Variants in WWOX observed in about 807,000 individuals in gnomAD.
WWOX encodes WW domain-containing oxidoreductase.
In WWOX, 69 loss-of-function variants were observed where a neutral mutation model predicts 46.2. The ratio of observed to expected loss-of-function variants is 1.49; its 90% CI spans 1.23 to 1.82. WWOX has a LOEUF of 1.82. Ranked by LOEUF, WWOX falls within the 40% of genes most tolerant of loss-of-function variation. The pLI, the probability that WWOX is intolerant of heterozygous loss-of-function variation, is 0.00. For synonymous variants in WWOX, 359 were observed against 202.6 expected (o/e 1.77, Z -6.56); for missense variants, 919 against 542.6 (o/e 1.69, Z -6.89).
intron 8 of WWOX, among the ~76,000 whole-genome samples, chr16:78,646,865 G>A (rs541256383): frequency 8.5e-5 from 13 of 152,180 alleles, no homozygotes; most frequent in East Asian, 5.8e-4. Flanking sequence ...GCTGTGTCAC[G>A]CTGTGTTAGG....
At chr16:78,243,231 A>G (rs2037714762) in intron 5 of WWOX, among the ~76,000 whole-genome samples, 1 of 152,170 alleles carries the variant, frequency 6.6e-6, no homozygotes, top group South Asian at 2.1e-4. Context: ...TTAAATCACA[A>G]GAGGTAATAG....
intron 8 of WWOX, among the ~76,000 whole-genome samples, chr16:78,987,969 G>A (rs2046813488): frequency 6.6e-6 from 1 of 152,002 alleles, no homozygotes; most frequent in Non-Finnish European, 1.5e-5. Context: ...AACCCAAATT[G>A]AGTAATTTCA....
chr16:78,826,637 G>C (rs997502466), intron 8 of WWOX, among the ~76,000 whole-genome samples: 1 of 152,142 alleles, frequency 6.6e-6, no homozygotes, highest in Non-Finnish European at 1.5e-5. Context: ...CTTCCTGGCT[G>C]ATCTCATGTC....
At chr16:78,305,775 A>C (rs1040046293) in intron 5 of WWOX, among the ~76,000 whole-genome samples, 5 of 152,216 alleles carry the variant, frequency 3.3e-5, no homozygotes, top group African/African-American at 1.2e-4. Flanking sequence ...TTAGTTTGAA[A>C]TGAGAAATTG....
intron 8 of WWOX, among the ~76,000 whole-genome samples, chr16:78,624,323 G>C (rs1298498958): frequency 6.6e-6 from 1 of 150,778 alleles, no homozygotes; most frequent in Non-Finnish European, 1.5e-5. Flanking sequence ...AAGTTTCTCT[G>C]CCTCCTTTGC....
At chr16:79,063,794 C>G (rs111502602) in intron 8 of WWOX, among the ~76,000 whole-genome samples, 6 of 152,174 alleles carry the variant, frequency 3.9e-5, no homozygotes, top group Admixed American at 1.3e-4. Context: ...GAGCAAACAT[C>G]CATTTCTGTG....
intron 8 of WWOX, among the ~76,000 whole-genome samples, chr16:78,814,648 C>G (rs944775133): frequency 3.9e-5 from 6 of 152,184 alleles, no homozygotes; most frequent in Non-Finnish European, 7.3e-5. Flanking sequence ...AATCATGCAC[C>G]TTAGACCTGG....
intron 8 of WWOX, among the ~76,000 whole-genome samples, chr16:78,707,218 C>T (rs760978889): frequency 2.0e-5 from 3 of 152,056 alleles, no homozygotes; most frequent in Non-Finnish European, 2.9e-5. Context: ...ATCAGAGCAC[C>T]ATCAGTCTTT....
At chr16:78,634,878 G>T (rs543911547) in intron 8 of WWOX, among the ~76,000 whole-genome samples, 80 of 151,104 alleles carry the variant, frequency 5.3e-4, no homozygotes, top group South Asian at 8.4e-4. Context: ...GTGTGTGCGC[G>T]TGCATGTGTA....
chr16:78,337,087 T>TAAA, intron 5 of WWOX, among the ~76,000 whole-genome samples: 1 of 152,112 alleles, frequency 6.6e-6, no homozygotes, highest in Admixed American at 6.6e-5. Flanking sequence ...GACCCTAGGA[T>TAAA]AATCTTAATT....
At chr16:79,128,324 C>G (rs571690897) in intron 8 of WWOX, among the ~76,000 whole-genome samples, 5 of 128,212 alleles carry the variant, frequency 3.9e-5, no homozygotes, top group Non-Finnish European at 8.4e-5. Context: ...ACAACGTCCC[C>G]TAATAGCTAA....
In WWOX at chr16:78,713,273, CAAAAAAAA is replaced by C. The variant is rs5818165; in HGVS notation, c.1056+280542_1056+280549del. ...TGGGTGACAAAGTGAGACTCTGTCT[CAAAAAAAA>C]AAAAAAAAAAAAAAAAAAAAGCTAG... is the stretch of plus-strand genomic sequence containing the variant. On this transcript the variant is annotated intron_variant, in intron 8 of 8. Coordinates refer to ENST00000566780, the MANE Select transcript of WWOX (RefSeq NM_016373.4). Among the ~76,000 whole-genome samples the C allele has an allele frequency of 4.5e-3, 76 of 17,036 alleles. 1 individual carries two copies. The highest frequency in any genetic ancestry group is 9.4e-3 in the East Asian group (5 of 530). 11.2% of individuals were successfully genotyped at this position (17,036 alleles called of 152,430 possible).
intron 8 of WWOX, among the ~76,000 whole-genome samples, chr16:78,537,426 A>G (rs1476575828): frequency 1.3e-5 from 2 of 152,218 alleles, no homozygotes; most frequent in African/African-American, 2.4e-5. Flanking sequence ...CTCACTGACT[A>G]TAGATGTTGA....
Position 78,689,092 on chromosome 16 carries a change from G to A in WWOX, c.1056+256340G>A, listed in dbSNP as rs74769738. 3.0e-3 allele frequency among the ~76,000 whole-genome samples: 463 copies of A among 152,186 alleles called. 1 individual carries two copies. Among genetic ancestry groups the A allele is most frequent in the Non-Finnish European group, 5.4e-3 (366 of 68,004 alleles). ...AGGCTTGCATATGTCTTTATTAGTG[G>A]CATGAGAACAGACTAATACAGTCAG... On this transcript the variant is annotated intron_variant, in intron 8 of 8. Transcript: ENST00000566780.
At chr16:78,530,454 G>T (rs1203627371) in intron 8 of WWOX, among the ~76,000 whole-genome samples, 3 of 152,164 alleles carry the variant, frequency 2.0e-5, no homozygotes, top group Non-Finnish European at 4.4e-5. Flanking sequence ...TTTTCCCCTG[G>T]AGCTATGCCA....
intron 8 of WWOX, among the ~76,000 whole-genome samples, chr16:78,949,639 C>T (rs1309897862): frequency 6.6e-6 from 1 of 152,194 alleles, no homozygotes; most frequent in African/African-American, 2.4e-5. Flanking sequence ...TCCACCTCTC[C>T]AAGGCTCGTG....
In WWOX at chr16:79,114,974, C is replaced by T. The variant is rs140761796; in HGVS notation, c.1057-96634C>T. ...CTCAAGGGCAGTTAGACAATTAGCT[C>T]GCCCACAGGAACATTGCAATAAGCA... On this transcript the variant is annotated intron_variant, in intron 8 of 8. Coordinates refer to ENST00000566780, the MANE Select transcript of WWOX (RefSeq NM_016373.4). 3.7e-3 allele frequency among the ~76,000 whole-genome samples: 564 copies of T among 152,316 alleles called. 9 individuals carry two copies. The highest frequency in any genetic ancestry group is 0.023 in the Admixed American group (356 of 15,308).
chr16:78,682,372 A>T (rs1219009888), intron 8 of WWOX, among the ~76,000 whole-genome samples: 1 of 152,178 alleles, frequency 6.6e-6, no homozygotes, highest in African/African-American at 2.4e-5. Flanking sequence ...TGTACCAGTG[A>T]GGATGAATGT....
intron 6 of WWOX, among the ~76,000 whole-genome samples, chr16:78,401,940 C>T (rs547240853): frequency 4.9e-4 from 74 of 152,184 alleles, no homozygotes; most frequent in Non-Finnish European, 8.5e-4. Context: ...CCTCTAGATC[C>T]GCCTGCCTCT....
Sources: allele counts gnomAD v4.1 joint callset (sites outside exome capture counted in the v4.1 genomes callset), GRCh38; gene constraint gnomAD v4.1.1; transcripts MANE v1.5; gene names NCBI Gene and HGNC (gene_info 2026-07-23, HGNC 2026-07-21).